The following TMEM258 variants were observed in gnomAD, a reference collection of about 807,000 sequenced individuals.
TMEM258 encodes the protein dolichyl-diphosphooligosaccharide--protein glycosyltransferase subunit TMEM258.
In TMEM258, 11 loss-of-function variants were observed where a neutral mutation model predicts 9.9. The ratio of observed to expected loss-of-function variants is 1.11; its 90% CI spans 0.70 to 1.85. The LOEUF (loss-of-function observed/expected upper bound fraction) is 1.85, where lower values mean the gene tolerates loss of function less well. Ranked by LOEUF, TMEM258 falls within the 40% of genes most tolerant of loss-of-function variation. The pLI is 0.00. For missense variants in TMEM258, 81 were observed against 99.7 expected, an observed-to-expected ratio of 0.81 and a Z score of 0.80; for synonymous variants, 40 against 39.1, an observed-to-expected ratio of 1.02 and a Z score of -0.09.
intron 1 of TMEM258, chr11:61,792,315 T>G (rs1410873912): frequency 3.5e-6 from 2 of 571,536 alleles, no homozygotes; most frequent in Admixed American, 6.2e-5. Flanking sequence ...ATAACAGAGA[T>G]ATACAAACTG....
chr11:61,790,431 G>C (rs746048272), intron 2 of TMEM258, 62 bp downstream of exon 2: 62 of 1,491,708 alleles, frequency 4.2e-5, no homozygotes, highest in Non-Finnish European at 5.1e-5. Context: ...ACCTAGCGTG[G>C]TTTCTCCCTG....
At chr11:61,790,952 T>G (rs962033298) in intron 1 of TMEM258, among the ~76,000 whole-genome samples, 1 of 152,076 alleles carries the variant, frequency 6.6e-6, no homozygotes, top group Non-Finnish European at 1.5e-5. Flanking sequence ...CTTTTTTTTT[T>G]GACGGAGTCT....
chr11:61,791,247 C>T (rs540541092), intron 1 of TMEM258, among the ~76,000 whole-genome samples: 83 of 151,708 alleles, frequency 5.5e-4, no homozygotes, highest in African/African-American at 1.9e-3. Context: ...TGAGTTGCCG[C>T]GCCCAGGCTC....
At chr11:61,792,398 G>T in intron 1 of TMEM258, 158 bp downstream of exon 1, 1 of 1,057,584 alleles carries the variant, frequency 9.5e-7, no homozygotes, top group Non-Finnish European at 1.4e-6. Flanking sequence ...GGAGTTCATG[G>T]CAAGGGGCTT....
At chr11:61,792,228 A>G (rs1388584142) in intron 1 of TMEM258, 2 of 396,522 alleles carry the variant, frequency 5.0e-6, no homozygotes, top group Non-Finnish European at 9.4e-6. Flanking sequence ...CTTCACCAAT[A>G]AACATTTGCC....
chr11:61,792,239 C>G, intron 1 of TMEM258: 1 of 427,254 alleles, frequency 2.3e-6, no homozygotes, highest in South Asian at 2.3e-5. Flanking sequence ...AACATTTGCC[C>G]AGGGCATTGT....
chr11:61,790,627 C>T (rs752138626), intron 1 of TMEM258, 25 bp from the exon 2 acceptor site: 1 of 1,591,164 alleles, frequency 6.3e-7, no homozygotes, highest in South Asian at 1.1e-5. Flanking sequence ...GAGATCAGAG[C>T]TATCAAAGAA....
At position 61,789,857 on chromosome 11, in the gene TMEM258, C is replaced by T; in HGVS notation, c.178G>A (p.Ala60Thr). Residue 60 changes from alanine (A) to threonine (T), a missense_variant, in exon 3 of 4, where the codon GCC (alanine) becomes ACC (threonine). Coordinates refer to ENST00000537328, the MANE Select transcript of TMEM258 (RefSeq NM_014206.4). ...IYKELLISLV[A>T]SLFMGFGVLF... Reference sequence around the variant, plus strand: ...ACTCCAAAGCCCATGAAGAGTGAGGCCACTAAGGAGATGAGGAGCTCTTTA... The same window carrying T: ...ACTCCAAAGCCCATGAAGAGTGAGGTCACTAAGGAGATGAGGAGCTCTTTA... The T allele has an allele frequency of 6.2e-7, 1 of 1,613,672 alleles. No individual in the cohort carries two copies. Among genetic ancestry groups the T allele is most frequent in the Non-Finnish European group, 8.5e-7 (1 of 1,179,810 alleles).
In TMEM258 at chr11:61,789,941, C is replaced by T; in HGVS notation, c.114-20G>A. 1.2e-6 allele frequency: 2 copies of T among 1,609,224 alleles called. No homozygotes were observed. The highest frequency in any genetic ancestry group is 1.7e-6 in the Non-Finnish European group (2 of 1,177,538). On this transcript the variant is annotated intron_variant, in intron 2 of 3. Transcript: ENST00000537328. ...TCGTAACTGGGCACAGCAGTTAAGG[C>T]AAAGCGAAGGGGTGGACTGTGGAGT... is the stretch of plus-strand genomic sequence containing the variant.
chr11:61,790,708 AT>A, intron 1 of TMEM258, 106 bp from the exon 2 acceptor site: 3 of 931,928 alleles, frequency 3.2e-6, no homozygotes, highest in African/African-American at 1.7e-5. Flanking sequence ...ACAGAGGCTG[AT>A]TTTAGCCCGG....
Position 61,792,554 on chromosome 11 carries a change from A to G in TMEM258, c.3+2T>C. ...GTCTGGAACTCCCCTCAACGCTCTC[A>G]CCATTTTGCCCCGCGAAGGCTAATC... On this transcript the variant is annotated splice_donor_variant, in intron 1 of 3. Coordinates refer to ENST00000537328, the MANE Select transcript of TMEM258 (RefSeq NM_014206.4). LOFTEE classifies it high-confidence loss of function. 6.2e-7 allele frequency: 1 copy of G among 1,613,874 alleles called. No homozygotes were observed. The highest frequency in any genetic ancestry group is 8.5e-7 in the Non-Finnish European group (1 of 1,179,986).
chr11:61,788,961 C>G lies in TMEM258; in HGVS notation c.*285G>C, dbSNP rs901627216. On this transcript the variant is annotated 3_prime_UTR_variant, in exon 4 of 4. Transcript: ENST00000537328. ...GGCCCAGACCCTATCCACAGGTAAG[C>G]CTTAAATTCCAATGACAAAACACCG... is the stretch of plus-strand genomic sequence containing the variant. 6.6e-6 allele frequency: 1 copy of G among 152,166 alleles called. No homozygotes were observed. The highest frequency in any genetic ancestry group is 2.1e-4 in the South Asian group (1 of 4,828). 9.4% of individuals were successfully genotyped at this position (152,166 alleles called of 1,614,324 possible).
intron 1 of TMEM258, 115 bp from the exon 2 acceptor site, chr11:61,790,717 C>G: frequency 1.2e-6 from 1 of 836,138 alleles, no homozygotes; most frequent in African/African-American, 1.7e-5. Flanking sequence ...GATTTTAGCC[C>G]GGAAATGTAG....
chr11:61,792,599 G>C lies in TMEM258; in HGVS notation c.-41C>G. On this transcript the variant is annotated 5_prime_UTR_variant, in exon 1 of 4. Coordinates refer to ENST00000537328, the MANE Select transcript of TMEM258 (RefSeq NM_014206.4). The stretch of plus-strand genomic sequence containing the variant: ...CTAATCCGCCGCTCCGCCACCGGAA[G>C]AACACGTCGGCAGGAGCAGGCGCCT... The C allele has an allele frequency of 2.5e-6, 4 of 1,613,206 alleles. No individual in the cohort carries two copies. The highest frequency in any genetic ancestry group is 3.4e-6 in the Non-Finnish European group (4 of 1,179,970).
Position 61,789,917 on chromosome 11 carries a change from C to T in TMEM258, c.118G>A (p.Glu40Lys), listed in dbSNP as rs755412184. The T allele has an allele frequency of 1.8e-5, 29 of 1,612,548 alleles. No individual in the cohort carries two copies. In the East Asian group the frequency reaches 3.8e-4, roughly 21 times the overall value. The change falls in exon 3 of 4, where the codon GAG becomes AAG. Residue 40 changes from glutamate to lysine, a missense_variant. Coordinates refer to ENST00000537328, the MANE Select transcript of TMEM258 (RefSeq NM_014206.4). ...CGAGTGTACTTGGTAGAGGTGACCT[C>T]GTAACTGGGCACAGCAGTTAAGGCA... ...MFFTAWFFVY[E>K]VTSTKYTRDI...
chr11:61,792,317 T>C (rs2066790356), intron 1 of TMEM258: 1 of 573,974 alleles, frequency 1.7e-6, no homozygotes, highest in Non-Finnish European at 3.1e-6. Flanking sequence ...AACAGAGATA[T>C]ACAAACTGGA....
chr11:61,792,527 C>T (rs745895526), intron 1 of TMEM258, 29 bp downstream of exon 1: 1 of 1,613,986 alleles, frequency 6.2e-7, no homozygotes, highest in Admixed American at 1.7e-5. Context: ...CCTCGCATCT[C>T]CGTCTGGAAC....
At chr11:61,791,088 A>G (rs2066780913) in intron 1 of TMEM258, among the ~76,000 whole-genome samples, 1 of 151,772 alleles carries the variant, frequency 6.6e-6, no homozygotes. Flanking sequence ...AGTAGCTGGG[A>G]CTATAGGATT....
At chr11:61,789,741 C>T in intron 3 of TMEM258, 44 bp downstream of exon 3, 1 of 1,567,698 alleles carries the variant, frequency 6.4e-7, no homozygotes, top group South Asian at 1.2e-5. Context: ...CTTCCCTGGG[C>T]TGTGCCTTGG....
Sources: gnomAD v4.1 joint callset for allele counts (sites outside exome capture counted in the v4.1 genomes callset) on GRCh38, gnomAD v4.1.1 for gene constraint, MANE v1.5 for transcripts, NCBI Gene and HGNC (gene_info 2026-07-23, HGNC 2026-07-21) for gene names.